The following ZNF577 variants were observed in gnomAD, a reference collection of about 807,000 sequenced individuals.
The protein encoded by ZNF577 is zinc finger protein 577.
A neutral mutation model predicts 13.9 loss-of-function variants in ZNF577; 14 were observed. That is an observed-to-expected ratio of 1.00 (90% CI 0.66 to 1.57). The LOEUF is 1.57. Ranked by LOEUF, ZNF577 falls within the 40% of genes most tolerant of loss-of-function variation. The probability of loss-of-function intolerance (pLI) is 0.00; values close to 1 mark genes in which losing one functional copy is unlikely to be tolerated. For missense variants in ZNF577, 555 were observed against 579.2 expected (o/e 0.96, Z 0.43); for synonymous variants, 203 against 202.9 (o/e 1.00, Z 0.00).
rs1040006436 is a variant in ZNF577 at position 51,867,302 on chromosome 19, G to C, written c.*5230C>G. On this transcript the variant is annotated 3_prime_UTR_variant, in exon 6 of 6. Coordinates refer to ENST00000638348, the MANE Select transcript of ZNF577 (RefSeq NM_001370449.1). ...CGGGGCTTTTATCGTTTTTTTCTTC[G>C]GTTCTTAGGAAAAGGATATCATTTC... 6.6e-6 allele frequency among the ~76,000 whole-genome samples: 1 copy of C among 151,926 alleles called. No homozygotes were observed. The highest frequency in any genetic ancestry group is 1.5e-5 in the Non-Finnish European group (1 of 67,980).
In ZNF577 at chr19:51,868,674, T is replaced by C. The variant is rs2084604712; in HGVS notation, c.*3858A>G. 6.6e-6 allele frequency among the ~76,000 whole-genome samples: 1 copy of C among 151,966 alleles called. No individual in the cohort carries two copies. The highest frequency in any genetic ancestry group is 2.1e-4 in the South Asian group (1 of 4,816). On this transcript the variant is annotated 3_prime_UTR_variant, in exon 6 of 6. Transcript: ENST00000638348. ...GGTTCTGACTACTACCGTCTTCAAC[T>C]GCCTTGAACACCCAGATAGAATTCA...
chr19:51,862,576 C>A (rs2084515004), downstream of ZNF577: 1 of 153,186 alleles, frequency 6.5e-6, no homozygotes, highest in African/African-American at 2.4e-5. Flanking sequence ...AGGTCTCTCT[C>A]CTGAATGAGT....
chr19:51,864,373 T>C (rs2084536384), downstream of ZNF577, among the ~76,000 whole-genome samples: 1 of 152,172 alleles, frequency 6.6e-6, no homozygotes, highest in Non-Finnish European at 1.5e-5. Context: ...CTAGAAACAC[T>C]GACTCCTGCC....
chr19:51,876,482 G>C (rs1008325871), intron 5 of ZNF577, among the ~76,000 whole-genome samples: 3 of 151,932 alleles, frequency 2.0e-5, no homozygotes, highest in African/African-American at 7.2e-5. Context: ...CTGGAAAGGC[G>C]GGGAGCAGTG....
intron 5 of ZNF577, among the ~76,000 whole-genome samples, chr19:51,853,526 A>G (rs917295842): frequency 2.6e-5 from 4 of 152,176 alleles, no homozygotes; most frequent in South Asian, 2.1e-4. Context: ...TTACAGATGC[A>G]TTAGAGGATT....
chr19:51,841,487 G>A (rs2084320419), intron 8 of ZNF577, among the ~76,000 whole-genome samples: 1 of 151,886 alleles, frequency 6.6e-6, no homozygotes, highest in Non-Finnish European at 1.5e-5. Flanking sequence ...GTGTGTTGTG[G>A]GGATCTCTAT....
chr19:51,857,556 A>G (rs11668686), intron 5 of ZNF577, among the ~76,000 whole-genome samples: 17,909 of 152,192 alleles, frequency 0.12, 1,312 homozygotes, highest in Middle Eastern at 0.16. Context: ...GGGCCTCTAC[A>G]TGTTTAAGAA....
chr19:51,841,243 C>G (rs2084319019), intron 8 of ZNF577, among the ~76,000 whole-genome samples: 1 of 152,190 alleles, frequency 6.6e-6, no homozygotes, highest in Admixed American at 6.5e-5. Context: ...TAAATTGCCC[C>G]AGCCTATAAG....
chr19:51,808,151 G>A lies in ZNF577; in HGVS notation c.*818-2897C>T, dbSNP rs111300199. On this transcript the variant is annotated intron_variant and NMD_transcript_variant, in intron 10 of 10. Coordinates refer to the ZNF577 transcript ENST00000638827. ...GCTGCAGGGAATTTAAAGAATCTCC[G>A]TGCAGGGTTTGGTAAATATGTGTAA... Among the ~76,000 whole-genome samples, 645 of 152,276 alleles carry A rather than the reference G, an allele frequency of 4.2e-3. 6 individuals are homozygous for A. The highest frequency in any genetic ancestry group is 0.014 in the African/African-American group (594 of 41,554).
intron 9 of ZNF577, among the ~76,000 whole-genome samples, chr19:51,835,973 G>A (rs944693648): frequency 6.6e-5 from 10 of 152,214 alleles, no homozygotes; most frequent in East Asian, 1.9e-4. Context: ...GATTACAGGC[G>A]TGAGCCACCG....
Position 51,824,849 on chromosome 19 carries a change from G to A in ZNF577, c.*600-13175C>T. The A allele has an allele frequency of 6.7e-7, 1 of 1,488,020 alleles. No homozygotes were observed. Among genetic ancestry groups the A allele is most frequent in the Non-Finnish European group, 9.0e-7 (1 of 1,109,062 alleles). The allele number at this position is 1,488,020 out of a possible 1,614,324, so 92.2% of individuals were successfully genotyped here. On this transcript the variant is annotated intron_variant and NMD_transcript_variant, in intron 9 of 10. Coordinates refer to the ZNF577 transcript ENST00000638827. This position sits in a 1 kb window ranked among gnomAD's most constrained non-coding sequence, Gnocchi z 4.7. ...TTTGGGCTCTGTCTCTTTCTACCCT[G>A]CGTTAAGCGGAAAAAAAAAATTCTG...
chr19:51,869,095 G>A lies in ZNF577; in HGVS notation c.*3437C>T, dbSNP rs1473141495. On this transcript the variant is annotated 3_prime_UTR_variant, in exon 6 of 6. Transcript: ENST00000638348. ...CCTGAGATATGGCCTCGTGGGAAGGGAAAGACCTGACCGTCCCCAAGCCCG... is the reference window on the plus strand; with the variant it reads ...CCTGAGATATGGCCTCGTGGGAAGGAAAAGACCTGACCGTCCCCAAGCCCG... 6.6e-6 allele frequency among the ~76,000 whole-genome samples: 1 copy of A among 152,156 alleles called. No individual in the cohort carries two copies. Among genetic ancestry groups the A allele is most frequent in the East Asian group, 1.9e-4 (1 of 5,174 alleles).
intron 5 of ZNF577, among the ~76,000 whole-genome samples, chr19:51,857,430 A>AAAGAAAG (rs1568442307): frequency 6.4e-5 from 9 of 141,298 alleles, no homozygotes; most frequent in African/African-American, 2.4e-4. Flanking sequence ...AAGAAAGAAA[A>AAAGAAAG]GAAAAAACAA....
In ZNF577 at chr19:51,857,426, G is replaced by GAAAAAGAAAGAA. The variant is rs374662736; in HGVS notation, c.284-12496_284-12495insTTCTTTCTTTTT. Among the ~76,000 whole-genome samples, 222 of 96,708 alleles carry GAAAAAGAAAGAA rather than the reference G, an allele frequency of 2.3e-3. 3 individuals carry two copies. The highest frequency in any genetic ancestry group is 0.016 in the South Asian group (40 of 2,466). The allele number at this position is 96,708 out of a possible 152,430, so 63.4% of individuals were successfully genotyped here. A position where few individuals can be genotyped will look rare whatever the true frequency, so the allele number is the denominator to read the frequency against. ...AGAAAGAAAGAAAGAAAGAAAGAAA[G>GAAAAAGAAAGAA]AAAAGAAAAAACAAAGAAAGGAAGG... On this transcript the variant is annotated intron_variant and NMD_transcript_variant, in intron 5 of 10. Coordinates refer to the ZNF577 transcript ENST00000638827.
intron 9 of ZNF577, among the ~76,000 whole-genome samples, chr19:51,838,470 C>T (rs772281034): frequency 2.7e-5 from 4 of 150,632 alleles, no homozygotes; most frequent in African/African-American, 4.8e-5. Context: ...GCACATGTAC[C>T]CTAGAACTTA....
rs1454701256 is a variant in ZNF577, at chr19:51,877,351, G to C, written c.214C>G (p.Leu72Val). The C allele has an allele frequency of 6.2e-7, 1 of 1,614,134 alleles. No individual in the cohort carries two copies. Among genetic ancestry groups the C allele is most frequent in the Non-Finnish European group, 8.5e-7 (1 of 1,180,004 alleles). ...IGYRGTKPDS[L>V]FKLEQGEPPG... ...GGTTCTCCTTGCTCCAACTTGAAGAGCGAATCTGGCTTGGTGCCTCGATAC... is the reference window on the plus strand; with the variant it reads ...GGTTCTCCTTGCTCCAACTTGAAGACCGAATCTGGCTTGGTGCCTCGATAC... The change falls in exon 5 of 6, where the codon CTC (leucine) becomes GTC (valine). Residue 72 changes from leucine (L) to valine (V), a missense_variant. By Grantham distance (32) the Leu-to-Val change is conservative. Transcript: ENST00000638348.
intron 5 of ZNF577, among the ~76,000 whole-genome samples, chr19:51,857,426 G>GGAAGAAAGAA (rs2084446043): frequency 1.0e-5 from 1 of 96,776 alleles, no homozygotes; most frequent in Admixed American, 1.1e-4. Context: ...AAGAAAGAAA[G>GGAAGAAAGAA]AAAAGAAAAA....
At chr19:51,831,108 CTTTAT>C (rs1418503643) in intron 9 of ZNF577, among the ~76,000 whole-genome samples, 1 of 151,786 alleles carries the variant, frequency 6.6e-6, no homozygotes, top group Non-Finnish European at 1.5e-5. Context: ...ATTATTGATT[CTTTAT>C]TTTATTTATT....
chr19:51,824,845 C>T lies in ZNF577; in HGVS notation c.*600-13171G>A, dbSNP rs1259537451. ...TATTTTTGGGCTCTGTCTCTTTCTA[C>T]CCTGCGTTAAGCGGAAAAAAAAAAT... On this transcript the variant is annotated intron_variant and NMD_transcript_variant, in intron 9 of 10. Coordinates refer to the ZNF577 transcript ENST00000638827. The surrounding 1 kb of genome is among the most constrained non-coding windows in gnomAD (Gnocchi z 4.7). 21 of 1,520,508 alleles carry T rather than the reference C, an allele frequency of 1.4e-5. No individual in the cohort carries two copies. Among genetic ancestry groups the T allele is most frequent in the East Asian group, 2.3e-5 (1 of 42,574 alleles). 94.2% of individuals were successfully genotyped at this position (1,520,508 alleles called of 1,614,324 possible).
Sources: gnomAD v4.1 joint callset for allele counts (sites outside exome capture counted in the v4.1 genomes callset) on GRCh38, gnomAD v4.1.1 for gene constraint, Gnocchi (gnomAD v3.1) non-coding constraint, MANE v1.5 for transcripts, NCBI Gene and HGNC (gene_info 2026-07-23, HGNC 2026-07-21) for gene names.